Variants in NBDY observed in about 807,000 individuals in gnomAD.
NBDY encodes negative regulator of P-body association.
At chrX:56,764,141 G>T (rs908677164) in intron 2 of NBDY, among the ~76,000 whole-genome samples, 1 of 112,054 alleles carries the variant, frequency 8.9e-6, no homozygotes, top group Non-Finnish European at 1.9e-5. Context: ...AGGTAGGGGC[G>T]ACCCACCATG....
At chrX:56,754,405 T>A (rs924656482) in intron 2 of NBDY, among the ~76,000 whole-genome samples, 2 of 111,603 alleles carry the variant, frequency 1.8e-5, no homozygotes, top group African/African-American at 3.3e-5. Flanking sequence ...ACACTTCATC[T>A]AACAACAGGA....
intron 2 of NBDY, among the ~76,000 whole-genome samples, chrX:56,751,831 T>C (rs912997920): frequency 1.2e-4 from 14 of 112,516 alleles, no homozygotes; most frequent in African/African-American, 4.5e-4. Flanking sequence ...GTTTATTACA[T>C]GGATGTATTG....
intron 2 of NBDY, among the ~76,000 whole-genome samples, chrX:56,795,071 C>T (rs2069785387): frequency 8.9e-6 from 1 of 112,287 alleles, no homozygotes; most frequent in Admixed American, 9.4e-5. Flanking sequence ...AGCATGCATG[C>T]TTACTGGAAC....
intron 2 of NBDY, among the ~76,000 whole-genome samples, chrX:56,753,812 G>A (rs189478707): frequency 9.0e-6 from 1 of 111,211 alleles, no homozygotes; most frequent in East Asian, 2.8e-4. Flanking sequence ...AAAACATTGA[G>A]TCTATCAAAG....
At chrX:56,799,657 C>T (rs905390853) in intron 2 of NBDY, among the ~76,000 whole-genome samples, 4 of 113,284 alleles carry the variant, frequency 3.5e-5, no homozygotes, top group Non-Finnish European at 7.5e-5. Flanking sequence ...CACCTTCCGC[C>T]GGATGGCACT....
At chrX:56,800,570 G>A (rs746934356) in intron 2 of NBDY, among the ~76,000 whole-genome samples, 14 of 111,476 alleles carry the variant, frequency 1.3e-4, no homozygotes, top group South Asian at 1.1e-3. Context: ...CTTCTTGTAC[G>A]AAGGCACAAG....
intron 2 of NBDY, among the ~76,000 whole-genome samples, chrX:56,762,166 C>A (rs959068175): frequency 1.8e-5 from 2 of 111,481 alleles, no homozygotes; most frequent in African/African-American, 6.5e-5. Context: ...ATTGAGGCAC[C>A]CATGAACTCT....
At chrX:56,808,727 T>A (rs1197785828) in intron 2 of NBDY, among the ~76,000 whole-genome samples, 1 of 112,055 alleles carries the variant, frequency 8.9e-6, no homozygotes, top group East Asian at 2.8e-4. Context: ...ATTCATTGAT[T>A]TTTTTGATGG....
At chrX:56,730,453 G>A (rs1414963180) in intron 1 of NBDY, among the ~76,000 whole-genome samples, 2 of 93,819 alleles carry the variant, frequency 2.1e-5, no homozygotes, top group Non-Finnish European at 4.1e-5. Flanking sequence ...AGAGGTTGCA[G>A]TGAGCCGAGA....
intron 2 of NBDY, among the ~76,000 whole-genome samples, chrX:56,808,929 A>G (rs71592878): frequency 4.4e-5 from 5 of 112,596 alleles, no homozygotes; most frequent in Non-Finnish European, 9.4e-5. Flanking sequence ...ACACTGCTTT[A>G]AACGCATCCC....
intron 2 of NBDY, among the ~76,000 whole-genome samples, chrX:56,792,458 G>C (rs190815765): frequency 2.7e-3 from 297 of 111,056 alleles, no homozygotes; most frequent in African/African-American, 9.2e-3. Flanking sequence ...ACTCACACAG[G>C]CAGGCACCCA....
chrX:56,761,368 G>A (rs913558573), intron 2 of NBDY, among the ~76,000 whole-genome samples: 9 of 112,864 alleles, frequency 8.0e-5, no homozygotes, highest in Admixed American at 4.6e-4. Context: ...TTTGCTGGCG[G>A]AGGGTGCGGG....
At position 56,729,457 on chromosome X, in the gene NBDY, A is replaced by G. The variant is rs2069446637; in HGVS notation, c.104A>G (p.Asp35Gly). 3.4e-6 allele frequency: 1 copy of G among 295,616 alleles called. No homozygotes were observed. The highest frequency in any genetic ancestry group is 2.8e-5 in the African/African-American group (1 of 36,194). 24.4% of individuals were successfully genotyped at this position (295,616 alleles called of 1,213,427 possible). A position where few individuals can be genotyped will look rare whatever the true frequency, so the allele number is the denominator to read the frequency against. ...CGCTGCCTCCTCGCTCCGCGTTGGG[A>G]TTATCCGGAAGGAACTCCCAACGGA... is the stretch of plus-strand genomic sequence containing the variant. ...KKRCLLAPRWDYPEGTPNGGS... is the reference protein window; with the variant it reads ...KKRCLLAPRWGYPEGTPNGGS... The change falls in exon 1 of 3, where the codon GAT (aspartate) becomes GGT (glycine). Residue 35 changes from aspartate (D) to glycine (G), a missense_variant. Physicochemically the swap from Asp to Gly is moderately conservative, Grantham distance 94 (BLOSUM62 -1). Coordinates refer to ENST00000374922, the MANE Select transcript of NBDY (RefSeq NM_001348129.2).
At chrX:56,787,241 A>G (rs2069734147) in intron 2 of NBDY, among the ~76,000 whole-genome samples, 1 of 110,772 alleles carries the variant, frequency 9.0e-6, no homozygotes, top group African/African-American at 3.3e-5. Flanking sequence ...AATCACAAAC[A>G]CACATGCACA....
At chrX:56,752,394 A>G (rs61506186) in intron 2 of NBDY, among the ~76,000 whole-genome samples, 10,862 of 110,408 alleles carry the variant, frequency 0.098, 1,068 homozygotes, top group African/African-American at 0.29. Context: ...TATAGTAGCC[A>G]TCCTGATTGG....
chrX:56,758,219 G>A (rs1241664533), intron 2 of NBDY, among the ~76,000 whole-genome samples: 2 of 109,400 alleles, frequency 1.8e-5, no homozygotes, highest in African/African-American at 6.7e-5. Flanking sequence ...GGGAGGCTAA[G>A]GCAAGAGAAT....
intron 1 of NBDY, 149 bp from the exon 2 acceptor site, chrX:56,731,914 C>G (rs2069461223): frequency 1.2e-5 from 3 of 255,102 alleles, no homozygotes; most frequent in Non-Finnish European, 1.4e-5. Flanking sequence ...TATAATACAT[C>G]CCTTCTAATA....
At chrX:56,766,124 C>T (rs907911862) in intron 2 of NBDY, among the ~76,000 whole-genome samples, 6 of 112,525 alleles carry the variant, frequency 5.3e-5, no homozygotes, top group African/African-American at 1.3e-4. Context: ...ATTGTTATTT[C>T]CCATTCTCCT....
chrX:56,793,052 A>G (rs967567378), intron 2 of NBDY, among the ~76,000 whole-genome samples: 2 of 111,856 alleles, frequency 1.8e-5, no homozygotes, highest in East Asian at 5.7e-4. Flanking sequence ...AAAAGCCAAG[A>G]CAGCCTGAGC....
Sources: allele counts gnomAD v4.1 joint callset (sites outside exome capture counted in the v4.1 genomes callset), GRCh38; gene constraint gnomAD v4.1.1; transcripts MANE v1.5; gene names NCBI Gene and HGNC (gene_info 2026-07-23, HGNC 2026-07-21).